Variants in LRRC7 observed in about 807,000 individuals in gnomAD.
LRRC7 encodes the protein leucine rich repeat containing 7, also known as leucine-rich repeat-containing protein 7.
A neutral mutation model predicts 175.7 loss-of-function variants in LRRC7; 23 were observed. That is an observed-to-expected ratio of 0.13 (90% confidence interval 0.09 to 0.19). The LOEUF is 0.19. Among genes scored for constraint, LRRC7 ranks in the 10% least tolerant of loss-of-function variants. The pLI is 1.00. For synonymous variants in LRRC7, 685 were observed against 680.9 expected (o/e 1.01, Z -0.09); for missense variants, 1,354 against 1,904.7 (o/e 0.71, Z 5.38).
At chr1:69,908,849 G>T (rs958632338) in intron 7 of LRRC7, among the ~76,000 whole-genome samples, 3 of 149,030 alleles carry the variant, frequency 2.0e-5, no homozygotes, top group East Asian at 3.9e-4. Context: ...CTCGTTGTCG[G>T]GTCTAATGTT....
At chr1:70,011,766 A>C in intron 11 of LRRC7, 31 bp from the exon 12 acceptor site, 2 of 1,475,538 alleles carry the variant, frequency 1.4e-6, no homozygotes, top group Non-Finnish European at 1.9e-6. Flanking sequence ...CTAACTTTTA[A>C]AATGTCTAAC....
intron 24 of LRRC7, among the ~76,000 whole-genome samples, chr1:70,080,698 C>CA (rs1663141566): frequency 6.6e-6 from 1 of 152,118 alleles, no homozygotes; most frequent in South Asian, 2.1e-4. Context: ...ATATCTGCAG[C>CA]AAAAACCATG....
intron 7 of LRRC7, among the ~76,000 whole-genome samples, chr1:69,921,243 A>G (rs903947254): frequency 2.6e-5 from 4 of 152,144 alleles, no homozygotes; most frequent in African/African-American, 4.8e-5. Context: ...GTTTAAAAGG[A>G]GAGTTCGTTT....
At chr1:69,766,171 T>C (rs1328266720) in intron 3 of LRRC7, among the ~76,000 whole-genome samples, 1 of 152,090 alleles carries the variant, frequency 6.6e-6, no homozygotes, top group Non-Finnish European at 1.5e-5. Flanking sequence ...CCAGCAGTCA[T>C]GACAACTTCG....
intron 7 of LRRC7, 171 bp downstream of exon 7, chr1:69,838,454 T>A: frequency 1.8e-6 from 1 of 567,678 alleles, no homozygotes; most frequent in Non-Finnish European, 3.2e-6. Context: ...TACATGAGAA[T>A]GTATTCTGTT....
intron 8 of LRRC7, among the ~76,000 whole-genome samples, chr1:69,961,450 A>G (rs1236242395): frequency 6.6e-6 from 1 of 152,186 alleles, no homozygotes; most frequent in Non-Finnish European, 1.5e-5. Flanking sequence ...TTAAACTACC[A>G]TTGACATTCT....
chr1:69,653,978 C>T (rs891835462), intron 1 of LRRC7, among the ~76,000 whole-genome samples: 2 of 152,044 alleles, frequency 1.3e-5, no homozygotes, highest in African/African-American at 4.8e-5. Context: ...TGGGGAATTG[C>T]TGTTCAATAA....
At chr1:69,676,797 A>T (rs1018233513) in intron 1 of LRRC7, among the ~76,000 whole-genome samples, 1 of 152,048 alleles carries the variant, frequency 6.6e-6, no homozygotes, top group African/African-American at 2.4e-5. Flanking sequence ...TCTTATTTCA[A>T]TAGCTTTAGG....
intron 7 of LRRC7, among the ~76,000 whole-genome samples, chr1:69,920,952 G>T (rs942438863): frequency 6.6e-6 from 1 of 151,998 alleles, no homozygotes; most frequent in Admixed American, 6.6e-5. Context: ...TCTCCTCATG[G>T]GCCCCAACTA....
intron 22 of LRRC7, 106 bp from the exon 23 acceptor site, chr1:70,052,920 C>T (rs1169133971): frequency 2.6e-6 from 3 of 1,165,158 alleles, no homozygotes; most frequent in Non-Finnish European, 3.5e-6. Context: ...TGTTTTTCTG[C>T]AATTAAACAA....
At chr1:69,850,071 G>T (rs1362992622) in intron 7 of LRRC7, among the ~76,000 whole-genome samples, 2 of 151,998 alleles carry the variant, frequency 1.3e-5, no homozygotes, top group African/African-American at 4.8e-5. Flanking sequence ...TGGGGTGGGG[G>T]TTGGTTTTTT....
chr1:69,622,515 G>T (rs10489551), intron 1 of LRRC7, among the ~76,000 whole-genome samples: 22,441 of 152,042 alleles, frequency 0.15, 2,203 homozygotes, highest in African/African-American at 0.28. Flanking sequence ...TCTAAAACTG[G>T]AATAAGACAT....
At chr1:69,684,132 G>T (rs555310750) in intron 2 of LRRC7, among the ~76,000 whole-genome samples, 1 of 152,144 alleles carries the variant, frequency 6.6e-6, no homozygotes, top group Admixed American at 6.5e-5. Context: ...AGTTATATAA[G>T]ATCCATACCC....
At chr1:69,633,262 T>C (rs1459533778) in intron 1 of LRRC7, among the ~76,000 whole-genome samples, 1 of 152,088 alleles carries the variant, frequency 6.6e-6, no homozygotes, top group Non-Finnish European at 1.5e-5. Context: ...ATTTTAATTT[T>C]CTTGATTCCA....
intron 1 of LRRC7, among the ~76,000 whole-genome samples, chr1:69,576,455 C>T (rs1645953927): frequency 6.6e-6 from 1 of 152,036 alleles, no homozygotes; most frequent in Non-Finnish European, 1.5e-5. Flanking sequence ...ACCAGCAAAC[C>T]ATATTAGCAA....
At chr1:69,988,318 C>T (rs1369854680) in intron 10 of LRRC7, among the ~76,000 whole-genome samples, 1 of 152,028 alleles carries the variant, frequency 6.6e-6, no homozygotes, top group Non-Finnish European at 1.5e-5. Context: ...GCCAACAGTC[C>T]CAGTTACTCA....
chr1:70,021,385 G>A, intron 16 of LRRC7: 1 of 265,324 alleles, frequency 3.8e-6, no homozygotes, highest in Non-Finnish European at 7.3e-6. Context: ...TCAAGCTGAG[G>A]GAAAGTAGAA....
At chr1:69,819,008 T>A (rs1678918019) in intron 4 of LRRC7, among the ~76,000 whole-genome samples, 1 of 151,660 alleles carries the variant, frequency 6.6e-6, no homozygotes, top group Non-Finnish European at 1.5e-5. Flanking sequence ...GCTAAAGGCT[T>A]GTCAATTTTA....
intron 1 of LRRC7, among the ~76,000 whole-genome samples, chr1:69,652,738 C>A (rs954900879): frequency 1.1e-4 from 16 of 151,996 alleles, no homozygotes; most frequent in African/African-American, 3.9e-4. Context: ...GGCTTCACAT[C>A]GCTTGATTTC....
Sources: gnomAD v4.1 joint callset for allele counts (sites outside exome capture counted in the v4.1 genomes callset) on GRCh38, gnomAD v4.1.1 for gene constraint, MANE v1.5 for transcripts, NCBI Gene and HGNC (gene_info 2026-07-23, HGNC 2026-07-21) for gene names.